The following CPEB4 variants were observed in gnomAD, a reference collection of about 807,000 sequenced individuals.
The protein encoded by CPEB4 is cytoplasmic polyadenylation element-binding protein 4.
Under a neutral mutation model 72.5 loss-of-function variants are expected in CPEB4, and 12 were observed. The observed-to-expected ratio is 0.17, with a 90% CI of 0.11 to 0.27. The LOEUF (loss-of-function observed/expected upper bound fraction) is 0.27. Among genes scored for constraint, CPEB4 ranks in the 10% least tolerant of loss-of-function variants. The pLI, the probability that CPEB4 is intolerant of heterozygous loss-of-function variation, is 1.00. For synonymous variants in CPEB4, 302 were observed against 326.3 expected, an observed-to-expected ratio of 0.93 and a Z score of 0.80; for missense variants, 614 against 908.5, an observed-to-expected ratio of 0.68 and a Z score of 4.17.
chr5:173,922,370 ACAGGTGCCTGCCAGTGCAC>A (rs1757103283), intron 2 of CPEB4, among the ~76,000 whole-genome samples: 1 of 151,954 alleles, frequency 6.6e-6, no homozygotes. Flanking sequence ...AGCTGGAACT[ACAGGTGCCTGCCAGTGCAC>A]CTGGCTAATT....
At chr5:173,904,868 G>A (rs1351671077) in intron 1 of CPEB4, among the ~76,000 whole-genome samples, 1 of 151,722 alleles carries the variant, frequency 6.6e-6, no homozygotes, top group Non-Finnish European at 1.5e-5. Context: ...CTACTTGGGA[G>A]GCCGAGGCCA....
intron 5 of CPEB4, among the ~76,000 whole-genome samples, chr5:173,948,520 A>C (rs1156761119): frequency 2.6e-5 from 4 of 152,142 alleles, no homozygotes; most frequent in Admixed American, 2.0e-4. Flanking sequence ...TAACATGCTC[A>C]TGGTAGGAAA....
In CPEB4 at chr5:173,888,428, C is replaced by G. The variant is rs1470047092; in HGVS notation, c.-1306C>G. On this transcript the variant is annotated 5_prime_UTR_variant, in exon 1 of 10. Coordinates refer to ENST00000265085, the MANE Select transcript of CPEB4 (RefSeq NM_030627.4). This position sits in a 1 kb window ranked among gnomAD's most constrained non-coding sequence, Gnocchi z 4.3. ...CGGGAGGCGGTGGCGGCGGCGGCGG[C>G]GGCAGCAGCGGCGACAGCAGAGGAG... 2.2e-6 allele frequency: 1 copy of G among 458,182 alleles called. No homozygotes were observed. The highest frequency in any genetic ancestry group is 3.8e-6 in the Non-Finnish European group (1 of 265,580). 28.4% of individuals were successfully genotyped at this position (458,182 alleles called of 1,614,324 possible). A position where few individuals can be genotyped will look rare whatever the true frequency, so the allele number is the denominator to read the frequency against.
chr5:173,903,137 C>G (rs1167533254), intron 1 of CPEB4, among the ~76,000 whole-genome samples: 2 of 150,610 alleles, frequency 1.3e-5, no homozygotes, highest in Non-Finnish European at 2.9e-5. Flanking sequence ...TGTGAAAATT[C>G]AAGCACCAAA....
chr5:173,895,297 G>A (rs966555593), intron 1 of CPEB4, among the ~76,000 whole-genome samples: 1 of 152,196 alleles, frequency 6.6e-6, no homozygotes, highest in African/African-American at 2.4e-5. Context: ...GGGGTGCCTG[G>A]ATCTTCTATC....
At chr5:173,954,298 A>C (rs1467319565) in intron 9 of CPEB4, among the ~76,000 whole-genome samples, 2 of 152,176 alleles carry the variant, frequency 1.3e-5, no homozygotes, top group Non-Finnish European at 2.9e-5. Context: ...CATCCTACAA[A>C]CTGTGAATCT....
At chr5:173,934,131 G>A (rs1453710516) in intron 3 of CPEB4, among the ~76,000 whole-genome samples, 2 of 152,110 alleles carry the variant, frequency 1.3e-5, no homozygotes, top group Non-Finnish European at 2.9e-5. Context: ...GGTGCAGTGA[G>A]CCATGATTGC....
intron 5 of CPEB4, among the ~76,000 whole-genome samples, chr5:173,946,737 T>G (rs1758027151): frequency 6.6e-6 from 1 of 152,156 alleles, no homozygotes; most frequent in South Asian, 2.1e-4. Flanking sequence ...CTTTTTCCTT[T>G]CCTGATGAAG....
At chr5:173,952,237 C>T (rs1050181096) in intron 8 of CPEB4, among the ~76,000 whole-genome samples, 2 of 152,102 alleles carry the variant, frequency 1.3e-5, no homozygotes, top group Non-Finnish European at 2.9e-5. Context: ...ATTAGACGAC[C>T]AGTGCAAAGT....
At position 173,960,349 on chromosome 5, in the gene CPEB4, A is replaced by ACACATCATC. The variant is rs1345936537; in HGVS notation, c.*4212_*4213insCACATCATC. The ACACATCATC allele has an allele frequency of 6.5e-6, 1 of 152,694 alleles. No homozygotes were observed. Among genetic ancestry groups the ACACATCATC allele is most frequent in the South Asian group, 2.1e-4 (1 of 4,828 alleles). 9.5% of individuals were successfully genotyped at this position (152,694 alleles called of 1,614,324 possible). A position where few individuals can be genotyped will look rare whatever the true frequency, so the allele number is the denominator to read the frequency against. On this transcript the variant is annotated 3_prime_UTR_variant, in exon 10 of 10. Coordinates refer to ENST00000265085, the MANE Select transcript of CPEB4 (RefSeq NM_030627.4). The stretch of plus-strand genomic sequence containing the variant: ...ACTTATTTCTTTTTAACACAAGTAG[A>ACACATCATC]TGATGCTTTCTTGACTGGGAATGTA...
chr5:173,911,031 A>C (rs1291914278), intron 2 of CPEB4, among the ~76,000 whole-genome samples: 1 of 152,132 alleles, frequency 6.6e-6, no homozygotes, highest in African/African-American at 2.4e-5. Flanking sequence ...ATAGTTTCAA[A>C]GTTAAAATGA....
intron 6 of CPEB4, 118 bp downstream of exon 6, chr5:173,949,715 CA>C (rs1321040245): frequency 2.7e-6 from 2 of 738,912 alleles, no homozygotes; most frequent in Non-Finnish European, 4.4e-6. Flanking sequence ...TGCATTTTCC[CA>C]AATGCTCTTT....
At chr5:173,915,574 C>T (rs560475578) in intron 2 of CPEB4, among the ~76,000 whole-genome samples, 4 of 152,174 alleles carry the variant, frequency 2.6e-5, no homozygotes, top group Non-Finnish European at 5.9e-5. Flanking sequence ...GTCTCATAAG[C>T]TTAGAGCCTG....
intron 2 of CPEB4, among the ~76,000 whole-genome samples, chr5:173,919,415 G>A (rs1261315568): frequency 6.6e-6 from 1 of 152,102 alleles, no homozygotes; most frequent in Non-Finnish European, 1.5e-5. Flanking sequence ...AAAGAGAAGG[G>A]GCCCCACAAT....
chr5:173,946,508 A>G (rs138875858), intron 5 of CPEB4, among the ~76,000 whole-genome samples: 2 of 152,334 alleles, frequency 1.3e-5, no homozygotes, highest in East Asian at 3.9e-4. Flanking sequence ...TACAAAACCA[A>G]TAAAGCAGAA....
At chr5:173,910,849 A>AG in intron 2 of CPEB4, 2 of 443,852 alleles carry the variant, frequency 4.5e-6, no homozygotes, top group South Asian at 4.1e-5. Flanking sequence ...ATGGGCAATT[A>AG]TCTCAAAGAC....
intron 1 of CPEB4, among the ~76,000 whole-genome samples, chr5:173,898,950 G>A (rs1756126014): frequency 6.6e-6 from 1 of 152,202 alleles, no homozygotes; most frequent in Non-Finnish European, 1.5e-5. Flanking sequence ...ATAGGCGTGA[G>A]CCACCGCACC....
At position 173,955,173 on chromosome 5, in the gene CPEB4, C is replaced by T. The variant is rs1181364380; in HGVS notation, c.1963-737C>T. Among the ~76,000 whole-genome samples the T allele has an allele frequency of 1.3e-5, 2 of 152,152 alleles. No homozygotes were observed. The highest frequency in any genetic ancestry group is 2.9e-5 in the Non-Finnish European group (2 of 68,034). On this transcript the variant is annotated intron_variant, in intron 9 of 9. Coordinates refer to ENST00000265085, the MANE Select transcript of CPEB4 (RefSeq NM_030627.4). This position sits in a 1 kb window ranked among gnomAD's most constrained non-coding sequence, Gnocchi z 4.7. ...TCTTTTCTAGCTGATGAATTAATAA[C>T]CAGGTGACTGTTAATGCTTGAAAGG...
Position 173,890,380 on chromosome 5 carries a change from C to T in CPEB4, c.647C>T (p.Pro216Leu). ...LFQNFPHHVS[P>L]GFGGSFSPQI... is the part of the protein sequence containing the mutation. ...CAAAATTTCCCCCATCATGTCAGCC[C>T]TGGCTTTGGAGGCAGCTTCTCTCCT... The change falls in exon 1 of 10, where the codon CCT (proline) becomes CTT (leucine). Residue 216 changes from proline to leucine, a missense_variant. By Grantham distance (98) the Pro-to-Leu change is moderately conservative. Transcript: ENST00000265085. 1 of 1,614,146 alleles carries T rather than the reference C, an allele frequency of 6.2e-7. No homozygotes were observed. Among genetic ancestry groups the T allele is most frequent in the South Asian group, 1.1e-5 (1 of 91,076 alleles).
Sources: allele counts gnomAD v4.1 joint callset (sites outside exome capture counted in the v4.1 genomes callset), GRCh38; gene constraint gnomAD v4.1.1; non-coding constraint Gnocchi (gnomAD v3.1); transcripts MANE v1.5; gene names NCBI Gene and HGNC (gene_info 2026-07-23, HGNC 2026-07-21).